Variants in CSMD1 observed in about 807,000 individuals in gnomAD.
The protein encoded by CSMD1 is CUB and Sushi multiple domains 1.
A neutral mutation model predicts 417.5 loss-of-function variants in CSMD1; 213 were observed. The ratio of observed to expected loss-of-function variants is 0.51; its 90% CI spans 0.46 to 0.57. The LOEUF is 0.57. Ranked by LOEUF, CSMD1 falls within the 20% of genes least tolerant of loss-of-function variation. The pLI, the probability that CSMD1 is intolerant of heterozygous loss-of-function variation, is 0.00. For missense variants in CSMD1, 6,923 were observed against 4,529.7 expected (o/e 1.53, Z -15.17); for synonymous variants, 2,862 against 1,736.8 (o/e 1.65, Z -16.11).
chr8:4,001,504 C>T (rs1341768783), intron 4 of CSMD1, among the ~76,000 whole-genome samples: 2 of 152,102 alleles, frequency 1.3e-5, no homozygotes, highest in East Asian at 3.8e-4. Context: ...TGTGCTGGTG[C>T]CCACCCCTGA....
chr8:4,043,138 C>T (rs940569273), intron 3 of CSMD1, among the ~76,000 whole-genome samples: 6 of 151,612 alleles, frequency 4.0e-5, no homozygotes, highest in African/African-American at 1.5e-4. Context: ...GTCTACAAAA[C>T]AAAACAAAAC....
At chr8:3,603,023 G>C (rs550522484) in intron 8 of CSMD1, among the ~76,000 whole-genome samples, 1 of 152,276 alleles carries the variant, frequency 6.6e-6, no homozygotes, top group Non-Finnish European at 1.5e-5. Context: ...TATTCCACCA[G>C]CCCTATTTGG....
chr8:4,928,214 G>C (rs978812466), intron 1 of CSMD1, among the ~76,000 whole-genome samples: 2 of 152,110 alleles, frequency 1.3e-5, no homozygotes, highest in African/African-American at 4.8e-5. Flanking sequence ...AAGCTGACCA[G>C]CATGTCTTGC....
chr8:4,680,417 C>T (rs903140395), intron 1 of CSMD1, among the ~76,000 whole-genome samples: 1 of 152,124 alleles, frequency 6.6e-6, no homozygotes, highest in Non-Finnish European at 1.5e-5. Context: ...TTCCTTCACC[C>T]TTTGAAACTA....
rs77878961 is a variant in CSMD1, at chr8:4,043,846, C to A, written c.416-11747G>T. On this transcript the variant is annotated intron_variant, in intron 3 of 69. Coordinates refer to ENST00000635120, the MANE Select transcript of CSMD1 (RefSeq NM_033225.6). ...GGCATCATTATTCCAATTTCACATA[C>A]AAAAATGATGAGACACAGAGAGGCT... is the stretch of plus-strand genomic sequence containing the variant. 3.8e-3 allele frequency among the ~76,000 whole-genome samples: 577 copies of A among 152,162 alleles called. 3 individuals carry two copies. The highest frequency in any genetic ancestry group is 0.013 in the African/African-American group (555 of 41,490).
At chr8:4,268,502 A>G (rs2128848851) in intron 3 of CSMD1, among the ~76,000 whole-genome samples, 1 of 152,304 alleles carries the variant, frequency 6.6e-6, no homozygotes, top group Middle Eastern at 3.4e-3. Context: ...TGTAGTATTT[A>G]GAGAAACAAG....
At chr8:4,175,070 G>A (rs1188523963) in intron 3 of CSMD1, among the ~76,000 whole-genome samples, 4 of 151,622 alleles carry the variant, frequency 2.6e-5, no homozygotes, top group African/African-American at 7.3e-5. Flanking sequence ...ATCTTTCACT[G>A]ACTTTTACTT....
chr8:3,885,164 C>A (rs542179360), intron 5 of CSMD1, among the ~76,000 whole-genome samples: 2 of 151,934 alleles, frequency 1.3e-5, no homozygotes, highest in East Asian at 3.9e-4. Context: ...ACTGTATCAG[C>A]GTTGAGTTTA....
intron 5 of CSMD1, among the ~76,000 whole-genome samples, chr8:3,786,351 G>C (rs6991289): frequency 6.6e-6 from 1 of 152,092 alleles, no homozygotes; most frequent in Non-Finnish European, 1.5e-5. Flanking sequence ...GAGACCACGG[G>C]CTTGGGTGAC....
intron 3 of CSMD1, among the ~76,000 whole-genome samples, chr8:4,416,684 G>C (rs1375173322): frequency 6.6e-6 from 1 of 152,018 alleles, no homozygotes; most frequent in Non-Finnish European, 1.5e-5. Context: ...ATTTTTAGAT[G>C]ACCGTGTATC....
At chr8:4,156,790 C>G (rs953747619) in intron 3 of CSMD1, among the ~76,000 whole-genome samples, 1 of 152,056 alleles carries the variant, frequency 6.6e-6, no homozygotes, top group Non-Finnish European at 1.5e-5. Context: ...TGGGAAGGGC[C>G]CAAATTACAG....
chr8:3,909,839 C>T (rs1030526070), intron 5 of CSMD1, among the ~76,000 whole-genome samples: 1 of 152,228 alleles, frequency 6.6e-6, no homozygotes, highest in African/African-American at 2.4e-5. Context: ...AGAAGCACCA[C>T]GTATGTCCTG....
chr8:4,304,364 T>A (rs13252501), intron 3 of CSMD1, among the ~76,000 whole-genome samples: 115,042 of 151,660 alleles, frequency 0.76, 43,697 homozygotes, highest in East Asian at 0.85. Context: ...CATTTGATTA[T>A]CAAAGTGAGC....
chr8:3,392,519 C>T (rs569054405), intron 17 of CSMD1, among the ~76,000 whole-genome samples: 266 of 152,152 alleles, frequency 1.7e-3, no homozygotes, highest in Non-Finnish European at 2.8e-3. Context: ...CTCATTGGTT[C>T]CTTTAACCCT....
intron 3 of CSMD1, among the ~76,000 whole-genome samples, chr8:4,171,712 T>G (rs2131139226): frequency 6.6e-6 from 1 of 152,320 alleles, no homozygotes; most frequent in South Asian, 2.1e-4. Context: ...ATTCTGATAT[T>G]TATGTGCCAA....
intron 26 of CSMD1, among the ~76,000 whole-genome samples, chr8:3,265,538 G>T (rs1051203836): frequency 3.9e-5 from 6 of 152,142 alleles, no homozygotes; most frequent in African/African-American, 1.4e-4. Context: ...TAGAGAGAGG[G>T]AGTAGCACAC....
At chr8:3,562,660 C>A (rs1799520295) in intron 10 of CSMD1, among the ~76,000 whole-genome samples, 1 of 151,386 alleles carries the variant, frequency 6.6e-6, no homozygotes, top group Admixed American at 6.6e-5. Context: ...ACAATTTATC[C>A]ACTGGGAATT....
chr8:3,805,315 C>G (rs752831997), intron 5 of CSMD1, among the ~76,000 whole-genome samples: 4 of 152,122 alleles, frequency 2.6e-5, no homozygotes, highest in African/African-American at 4.8e-5. Context: ...GGACACCAGC[C>G]TCAAAGGCAA....
intron 1 of CSMD1, among the ~76,000 whole-genome samples, chr8:4,968,056 G>A (rs1419065727): frequency 6.6e-6 from 1 of 151,962 alleles, no homozygotes; most frequent in Admixed American, 6.6e-5. Context: ...CCAAATTAGA[G>A]TTCTTAGGTT....
Sources: gnomAD v4.1 joint callset for allele counts (sites outside exome capture counted in the v4.1 genomes callset) on GRCh38, gnomAD v4.1.1 for gene constraint, MANE v1.5 for transcripts, NCBI Gene and HGNC (gene_info 2026-07-23, HGNC 2026-07-21) for gene names.